DLGAP2: variants seen among roughly 807,000 people sequenced by gnomAD.
DLGAP2 encodes the protein disks large-associated protein 2.
A neutral mutation model predicts 100.3 loss-of-function variants in DLGAP2; 26 were observed. The observed-to-expected ratio is 0.26, with a 90% confidence interval of 0.19 to 0.36. The LOEUF (loss-of-function observed/expected upper bound fraction) is 0.36. Ranked by LOEUF, DLGAP2 falls within the 10% of genes least tolerant of loss-of-function variation. DLGAP2 has a pLI of 1.00. For synonymous variants in DLGAP2, 886 were observed against 630.1 expected, an observed-to-expected ratio of 1.41 and a Z score of -6.08; for missense variants, 1,858 against 1,453.2, an observed-to-expected ratio of 1.28 and a Z score of -4.53.
intron 6 of DLGAP2, among the ~76,000 whole-genome samples, chr8:1,586,606 G>T (rs556109848): frequency 1.4e-3 from 215 of 152,302 alleles, no homozygotes; most frequent in Non-Finnish European, 2.0e-3. Context: ...GTAGCGTAAC[G>T]TGTTCACAGA....
At chr8:835,924 T>A (rs558301314) in intron 1 of DLGAP2, among the ~76,000 whole-genome samples, 2 of 152,176 alleles carry the variant, frequency 1.3e-5, no homozygotes, top group South Asian at 4.1e-4. Context: ...TGTGTATCCA[T>A]CCCTTCATGT....
intron 3 of DLGAP2, among the ~76,000 whole-genome samples, chr8:1,294,598 T>A (rs1169122450): frequency 6.6e-6 from 1 of 152,208 alleles, no homozygotes; most frequent in Non-Finnish European, 1.5e-5. Flanking sequence ...AATGTCGAAT[T>A]GGAATTTTAA....
intron 14 of DLGAP2, among the ~76,000 whole-genome samples, chr8:1,700,160 A>G (rs539722459): frequency 2.0e-4 from 31 of 152,304 alleles, no homozygotes; most frequent in African/African-American, 6.7e-4. Context: ...TACTCACACA[A>G]CTGCCTGTCT....
chr8:1,248,591 T>G (rs1798966205), intron 2 of DLGAP2: 1 of 141,606 alleles, frequency 7.1e-6, no homozygotes, highest in African/African-American at 2.7e-5. Context: ...ACCTTTGAGA[T>G]CAGTGTAGGA....
chr8:1,614,275 C>G (rs1563257172), intron 6 of DLGAP2, among the ~76,000 whole-genome samples: 1 of 152,236 alleles, frequency 6.6e-6, no homozygotes, highest in Non-Finnish European at 1.5e-5. Context: ...CATTTGCAGT[C>G]AGGCAAGAGA....
intron 3 of DLGAP2, among the ~76,000 whole-genome samples, chr8:1,322,713 T>G (rs771645772): frequency 5.3e-5 from 8 of 152,258 alleles, no homozygotes; most frequent in Non-Finnish European, 1.2e-4. Context: ...TGTTGTTCCT[T>G]CAGCCTAAGA....
chr8:1,522,343 G>A (rs1161125589), intron 4 of DLGAP2, among the ~76,000 whole-genome samples: 1 of 152,200 alleles, frequency 6.6e-6, no homozygotes, highest in East Asian at 1.9e-4. Context: ...GCTGAAAGCC[G>A]AAACAGCTGA....
At chr8:1,276,982 A>G (rs142738823) in intron 3 of DLGAP2, among the ~76,000 whole-genome samples, 207 of 152,302 alleles carry the variant, frequency 1.4e-3, no homozygotes, top group African/African-American at 4.6e-3. Context: ...TAGTGGTTGC[A>G]TATTATTCCA....
intron 6 of DLGAP2, among the ~76,000 whole-genome samples, chr8:1,624,366 C>T (rs1249928933): frequency 6.6e-6 from 1 of 151,970 alleles, no homozygotes; most frequent in African/African-American, 2.4e-5. Context: ...AGTCAGGGCT[C>T]TTGGCATCCA....
intron 13 of DLGAP2, among the ~76,000 whole-genome samples, chr8:1,695,150 G>C (rs940958098): frequency 3.9e-5 from 6 of 152,240 alleles, no homozygotes; most frequent in African/African-American, 1.4e-4. Flanking sequence ...ACCCAGCTGC[G>C]GGCGAGGGAG....
intron 3 of DLGAP2, among the ~76,000 whole-genome samples, chr8:1,339,417 A>G (rs528732996): frequency 6.6e-5 from 10 of 152,206 alleles, no homozygotes; most frequent in African/African-American, 1.4e-4. Flanking sequence ...TCAGTGAGGC[A>G]TCAGCAAGAA....
chr8:920,309 T>C (rs879680884), intron 2 of DLGAP2, among the ~76,000 whole-genome samples: 1 of 152,180 alleles, frequency 6.6e-6, no homozygotes, highest in Non-Finnish European at 1.5e-5. Flanking sequence ...AACCATATGT[T>C]TGCACAGTTT....
At position 979,444 on chromosome 8, in the gene DLGAP2, G is replaced by T. The variant is rs139462278; in HGVS notation, c.73+71478G>T. ...AATGTGCTGCCACCAAAGTGACACA[G>T]TGATCTTGTTCCCAGCCTCACATCC... On this transcript the variant is annotated intron_variant, in intron 2 of 14. Transcript: ENST00000637795. Among the ~76,000 whole-genome samples, 180 of 152,320 alleles carry T rather than the reference G, an allele frequency of 1.2e-3. 1 individual carries two copies. Among genetic ancestry groups the T allele is most frequent in the African/African-American group, 4.2e-3 (173 of 41,582 alleles).
intron 2 of DLGAP2, among the ~76,000 whole-genome samples, chr8:1,127,382 G>T (rs1796192138): frequency 6.6e-6 from 1 of 152,068 alleles, no homozygotes. Context: ...TGGTGGCCCT[G>T]CATATGGAGG....
intron 3 of DLGAP2, among the ~76,000 whole-genome samples, chr8:1,267,063 C>T (rs200224194): frequency 2.0e-5 from 3 of 151,644 alleles, no homozygotes; most frequent in African/African-American, 7.3e-5. Flanking sequence ...CCTGTCTCTA[C>T]TAAAAATACA....
intron 1 of DLGAP2, among the ~76,000 whole-genome samples, chr8:752,574 G>A (rs1253282853): frequency 6.6e-6 from 1 of 152,212 alleles, no homozygotes; most frequent in Non-Finnish European, 1.5e-5. Flanking sequence ...CAGAAGGAGG[G>A]GATGGGGCAG....
At chr8:1,677,203 G>C (rs960619096) in intron 11 of DLGAP2, among the ~76,000 whole-genome samples, 8 of 152,208 alleles carry the variant, frequency 5.3e-5, no homozygotes, top group Non-Finnish European at 7.3e-5. Context: ...CAGGGACAGT[G>C]TTGGGTGGCC....
intron 2 of DLGAP2, among the ~76,000 whole-genome samples, chr8:1,151,189 T>C (rs1241084344): frequency 3.9e-5 from 6 of 152,228 alleles, no homozygotes; most frequent in Non-Finnish European, 8.8e-5. Context: ...AGAAAAACTT[T>C]TCCTCTACCC....
At chr8:1,287,431 G>T (rs550119936) in intron 3 of DLGAP2, among the ~76,000 whole-genome samples, 1 of 137,412 alleles carries the variant, frequency 7.3e-6, no homozygotes, top group Non-Finnish European at 1.5e-5. Context: ...GCGTGTGTGT[G>T]TGTGTGTGGT....
Sources: allele counts gnomAD v4.1 joint callset (sites outside exome capture counted in the v4.1 genomes callset), GRCh38; gene constraint gnomAD v4.1.1; transcripts MANE v1.5; gene names NCBI Gene and HGNC (gene_info 2026-07-23, HGNC 2026-07-21).